Variants in GINS2 observed in about 807,000 individuals in gnomAD.
The protein encoded by GINS2 is DNA replication complex GINS protein PSF2.
Under a neutral mutation model 21.2 loss-of-function variants are expected in GINS2, and 23 were observed. The observed-to-expected ratio is 1.08, with a 90% CI of 0.78 to 1.53. GINS2 has a LOEUF of 1.53. Among genes scored for constraint, GINS2 ranks in the 40% most tolerant of loss-of-function variants. The probability of loss-of-function intolerance (pLI) is 0.00; values close to 1 mark genes in which losing one functional copy is unlikely to be tolerated. For synonymous variants in GINS2, 118 were observed against 85.6 expected (o/e 1.38, Z -2.09); for missense variants, 323 against 233.9 (o/e 1.38, Z -2.49).
At chr16:85,688,651 C>G (rs1483832501) in intron 1 of GINS2, among the ~76,000 whole-genome samples, 158 bp downstream of exon 1, 1 of 152,238 alleles carries the variant, frequency 6.6e-6, no homozygotes, top group Non-Finnish European at 1.5e-5. Context: ...TTTCCTCATC[C>G]GAGAAGCGGG....
In GINS2 at chr16:85,678,279, A is replaced by G; in HGVS notation, c.491T>C (p.Leu164Pro). 6.2e-7 allele frequency: 1 copy of G among 1,613,230 alleles called. No individual in the cohort carries two copies. The highest frequency in any genetic ancestry group is 8.5e-7 in the Non-Finnish European group (1 of 1,179,168). ...CGTGCGGAGTTTGTACATGTGGTTG[A>G]GCGCTTGTGTGAGGAAAGTCCCGCT... ...NTSGTFLTQA[L>P]NHMYKLRTNL... Residue 164 changes from leucine to proline, a missense_variant, in exon 5 of 5, where the codon CTC (leucine) becomes CCC (proline). Transcript: ENST00000253462.
At chr16:85,686,231 G>C (rs891023420) in intron 2 of GINS2, among the ~76,000 whole-genome samples, 8 of 152,070 alleles carry the variant, frequency 5.3e-5, no homozygotes, top group Non-Finnish European at 1.2e-4. Context: ...TGGCTAACAC[G>C]GTGAAACCCA....
At position 85,680,821 on chromosome 16, in the gene GINS2, C is replaced by G. The variant is rs112936724; in HGVS notation, c.305+761G>C. Among the ~76,000 whole-genome samples the G allele has an allele frequency of 3.4e-3, 524 of 152,284 alleles. 1 individual carries two copies. The highest frequency in any genetic ancestry group is 0.012 in the African/African-American group (489 of 41,534). On this transcript the variant is annotated intron_variant, in intron 3 of 4. Coordinates refer to ENST00000253462, the MANE Select transcript of GINS2 (RefSeq NM_016095.3). ...AAGAAGTGACAGGGGCCAGTGTGAGCCTGAGCCCTCCAGAAGCAGAGAAAA... is the reference window on the plus strand; with the variant it reads ...AAGAAGTGACAGGGGCCAGTGTGAGGCTGAGCCCTCCAGAAGCAGAGAAAA...
intron 2 of GINS2, among the ~76,000 whole-genome samples, chr16:85,686,277 G>A (rs1161395079): frequency 6.6e-6 from 1 of 152,144 alleles, no homozygotes; most frequent in Non-Finnish European, 1.5e-5. Flanking sequence ...AATTAGCCGA[G>A]CGTGGTAGCG....
rs1024188925 is a variant in GINS2, at chr16:85,677,599, A to T, written c.*613T>A. 6.6e-6 allele frequency: 1 copy of T among 152,214 alleles called. No individual in the cohort carries two copies. Among genetic ancestry groups the T allele is most frequent in the Non-Finnish European group, 1.5e-5 (1 of 68,072 alleles). 9.4% of individuals were successfully genotyped at this position (152,214 alleles called of 1,614,324 possible). On this transcript the variant is annotated 3_prime_UTR_variant, in exon 5 of 5. Transcript: ENST00000253462. ...ACTGCCGTGTGCCTCAGTTTCGTTG[A>T]CTGAGTCATCTCAGCCACAGGCTCA...
chr16:85,681,814 G>T, intron 2 of GINS2, 133 bp from the exon 3 acceptor site: 1 of 611,078 alleles, frequency 1.6e-6, no homozygotes, highest in Non-Finnish European at 2.9e-6. Flanking sequence ...AAACATTTTG[G>T]GATGACATTT....
At chr16:85,685,822 CTCAATGAGCTCTTGCT>C (rs2053772205) in intron 2 of GINS2, among the ~76,000 whole-genome samples, 1 of 151,844 alleles carries the variant, frequency 6.6e-6, no homozygotes, top group African/African-American at 2.4e-5. Flanking sequence ...GAGTGGCTGG[CTCAATGAGCTCTTGCT>C]TCTAGGAGGT....
chr16:85,685,683 A>AAAAAAAAAAAAAAACAAAC (rs2053769975), intron 2 of GINS2, among the ~76,000 whole-genome samples: 2 of 149,550 alleles, frequency 1.3e-5, no homozygotes, highest in African/African-American at 4.9e-5. Context: ...AAAAAAAAAA[A>AAAAAAAAAAAAAAACAAAC]AAAAAAAACC....
At position 85,677,111 on chromosome 16, in the gene GINS2, TC is replaced by T. The variant is rs1292831979; in HGVS notation, c.*1100del. 6.6e-6 allele frequency: 1 copy of T among 151,990 alleles called. No homozygotes were observed. Among genetic ancestry groups the T allele is most frequent in the Non-Finnish European group, 1.5e-5 (1 of 67,986 alleles). 9.4% of individuals were successfully genotyped at this position (151,990 alleles called of 1,614,324 possible). Reference sequence around the variant, plus strand: ...TAGTCTCAATCTCCTGGCCTTGTGATCCACCTGCCTTGGCCTCCCAAAGTGC... The same window carrying T: ...TAGTCTCAATCTCCTGGCCTTGTGATCACCTGCCTTGGCCTCCCAAAGTGC... On this transcript the variant is annotated 3_prime_UTR_variant, in exon 5 of 5. Transcript: ENST00000253462.
At position 85,678,587 on chromosome 16, in the gene GINS2, G is replaced by A. The variant is rs766416789; in HGVS notation, c.385C>T (p.Arg129Ter). The A allele has an allele frequency of 6.8e-6, 11 of 1,613,854 alleles. No homozygotes were observed. Among genetic ancestry groups the A allele is most frequent in the East Asian group, 4.5e-5 (2 of 44,892 alleles). Residue 129 changes from arginine to a stop codon, truncating the protein, a stop_gained, in exon 4 of 5, where the codon CGA (arginine) becomes TGA (stop). Coordinates refer to ENST00000253462, the MANE Select transcript of GINS2 (RefSeq NM_016095.3). LOFTEE classifies it high-confidence loss of function. Reference protein sequence around the residue: ...DMWDTRIAKLRVSADSFVRQQ... With the variant: ...DMWDTRIAKL ...CTCACAAAGCTGTCAGCAGACACTC[G>A]GAGTTTGGCTATACGAGTGTCCCAC...
chr16:85,687,355 C>A, intron 2 of GINS2, 105 bp downstream of exon 2: 1 of 600,106 alleles, frequency 1.7e-6, no homozygotes, highest in South Asian at 2.5e-5. Flanking sequence ...AGAGGGAGCA[C>A]GGACCTAGTC....
chr16:85,687,154 A>T (rs1448183555), intron 2 of GINS2, among the ~76,000 whole-genome samples: 1 of 152,202 alleles, frequency 6.6e-6, no homozygotes. Flanking sequence ...CCAGGAGGTG[A>T]AGGCTGCATT....
chr16:85,684,145 C>G (rs2053756415), intron 2 of GINS2, among the ~76,000 whole-genome samples: 1 of 152,158 alleles, frequency 6.6e-6, no homozygotes, highest in African/African-American at 2.4e-5. Flanking sequence ...GAGTTCAAAA[C>G]CAGTCTGAGC....
In GINS2 at chr16:85,678,150, AGT is replaced by A; in HGVS notation, c.*60_*61del. 6.7e-7 allele frequency: 1 copy of A among 1,502,592 alleles called. No homozygotes were observed. Among genetic ancestry groups the A allele is most frequent in the East Asian group, 2.3e-5 (1 of 44,044 alleles). 93.1% of individuals were successfully genotyped at this position (1,502,592 alleles called of 1,614,324 possible). ...GTGTTTCTAGAGCTCCAGAACCACG[AGT>A]ACCTCATCACGTCCTGAGCGCTCAC... On this transcript the variant is annotated 3_prime_UTR_variant, in exon 5 of 5. Coordinates refer to ENST00000253462, the MANE Select transcript of GINS2 (RefSeq NM_016095.3).
At position 85,677,708 on chromosome 16, in the gene GINS2, T is replaced by A. The variant is rs2053691940; in HGVS notation, c.*504A>T. On this transcript the variant is annotated 3_prime_UTR_variant, in exon 5 of 5. Transcript: ENST00000253462. The stretch of plus-strand genomic sequence containing the variant: ...TCCATTTTTATTGTGGATCAGGGCT[T>A]AGAGGATAAGCACCGGTCAGCATTG... 1 of 153,986 alleles carries A rather than the reference T, an allele frequency of 6.5e-6. No individual in the cohort carries two copies. The highest frequency in any genetic ancestry group is 6.4e-5 in the Admixed American group (1 of 15,620). 9.5% of individuals were successfully genotyped at this position (153,986 alleles called of 1,614,324 possible).
chr16:85,687,764 G>A (rs572952279), intron 1 of GINS2, 190 bp from the exon 2 acceptor site: 98 of 483,380 alleles, frequency 2.0e-4, no homozygotes, highest in Non-Finnish European at 2.6e-5. Context: ...CTGCGAGCGT[G>A]GGGCTCAGTC....
At position 85,678,978 on chromosome 16, in the gene GINS2, C is replaced by T. The variant is rs111529187; in HGVS notation, c.306-312G>A. On this transcript the variant is annotated intron_variant, in intron 3 of 4. Transcript: ENST00000253462. ...CCTCTGTCTCAGGATAACAGCATTC[C>T]GTGCTGCCTAACCTCCATCTACAAG... Among the ~76,000 whole-genome samples the T allele has an allele frequency of 1.5e-3, 232 of 152,296 alleles. 1 individual carries two copies. The highest frequency in any genetic ancestry group is 5.5e-3 in the African/African-American group (227 of 41,550).
chr16:85,678,422 C>G, intron 4 of GINS2, 85 bp from the exon 5 acceptor site: 1 of 1,559,772 alleles, frequency 6.4e-7, no homozygotes, highest in Non-Finnish European at 8.8e-7. Flanking sequence ...AATAAGAAAC[C>G]AATGAACTGT....
chr16:85,682,677 C>G (rs2053744284), intron 2 of GINS2, among the ~76,000 whole-genome samples: 1 of 152,134 alleles, frequency 6.6e-6, no homozygotes, highest in Non-Finnish European at 1.5e-5. Flanking sequence ...AGCCCAGCGT[C>G]TAGAATCAAA....
Sources: allele counts gnomAD v4.1 joint callset (sites outside exome capture counted in the v4.1 genomes callset), GRCh38; gene constraint gnomAD v4.1.1; transcripts MANE v1.5; gene names NCBI Gene and HGNC (gene_info 2026-07-23, HGNC 2026-07-21).